Variants in ZFYVE9 observed in about 807,000 individuals in gnomAD.
The protein encoded by ZFYVE9 is zinc finger FYVE domain-containing protein 9.
A neutral mutation model predicts 126.7 loss-of-function variants in ZFYVE9; 43 were observed. The ratio of observed to expected loss-of-function variants is 0.34; its 90% confidence interval spans 0.27 to 0.44. The LOEUF is 0.44. Ranked by LOEUF, ZFYVE9 falls within the 20% of genes least tolerant of loss-of-function variation. The probability of loss-of-function intolerance (pLI) is 1.00; values close to 1 mark genes in which losing one functional copy is unlikely to be tolerated. For synonymous variants in ZFYVE9, 521 were observed against 597.4 expected (o/e 0.87, Z 1.87); for missense variants, 1,476 against 1,697.0 (o/e 0.87, Z 2.29).
At chr1:52,165,234 G>A (rs971521032) in intron 1 of ZFYVE9, among the ~76,000 whole-genome samples, 1 of 151,982 alleles carries the variant, frequency 6.6e-6, no homozygotes, top group Admixed American at 6.6e-5. Flanking sequence ...AGACTTAGTG[G>A]TGAAATACTG....
At chr1:52,160,475 CG>C (rs1326397552) in intron 1 of ZFYVE9, 2 of 813,138 alleles carry the variant, frequency 2.5e-6, no homozygotes, top group African/African-American at 1.7e-5. Context: ...CTGGAATGGA[CG>C]AGTGGCAGTT....
chr1:52,342,996 T>C (rs1646452452), intron 17 of ZFYVE9, among the ~76,000 whole-genome samples: 1 of 151,598 alleles, frequency 6.6e-6, no homozygotes, highest in Non-Finnish European at 1.5e-5. Context: ...AAGCTCCACC[T>C]CCCAGGTCCA....
intron 13 of ZFYVE9, 101 bp from the exon 14 acceptor site, chr1:52,332,667 G>T: frequency 7.2e-7 from 1 of 1,388,058 alleles, no homozygotes. Flanking sequence ...ACTTTAATAC[G>T]TAATATTCTG....
chr1:52,198,576 A>G (rs1644892537), intron 1 of ZFYVE9, among the ~76,000 whole-genome samples: 1 of 152,172 alleles, frequency 6.6e-6, no homozygotes, highest in African/African-American at 2.4e-5. Flanking sequence ...ATAGGATCTA[A>G]TTTTACTGCA....
At position 52,238,718 on chromosome 1, in the gene ZFYVE9, A is replaced by G. The variant is rs1259037849; in HGVS notation, c.1301A>G (p.Asp434Gly). Residue 434 changes from aspartate (D) to glycine (G), a missense_variant, in exon 4 of 19, where the codon GAT becomes GGT. Asp to Gly is a moderately conservative substitution (Grantham distance 94). Coordinates refer to ENST00000287727, the MANE Select transcript of ZFYVE9 (RefSeq NM_004799.4). ...QISQPEDTNG[D>G]SGGQCVGLAD... ...AGTCAGCCTGAGGACACTAATGGTG[A>G]TAGTGGAGGACAGTGTGTTGGATTG... 6.2e-7 allele frequency: 1 copy of G among 1,614,156 alleles called. No homozygotes were observed. The highest frequency in any genetic ancestry group is 2.2e-5 in the East Asian group (1 of 44,876).
intron 8 of ZFYVE9, among the ~76,000 whole-genome samples, chr1:52,277,670 A>G (rs746724986): frequency 6.6e-6 from 1 of 152,192 alleles, no homozygotes; most frequent in Non-Finnish European, 1.5e-5. Flanking sequence ...TGCATTTTAT[A>G]TAAGACCAAC....
chr1:52,268,599 C>G lies in ZFYVE9; in HGVS notation c.2592C>G (p.Val864=), dbSNP rs199792561. 6.2e-7 allele frequency: 1 copy of G among 1,606,720 alleles called. No homozygotes were observed. The highest frequency in any genetic ancestry group is 1.3e-5 in the African/African-American group (1 of 74,514). ...CCCTGGCTGTGTCACACGACCCAGT[C>G]AAGCCAGTAACTACCAGTCCTCTAC... The part of the protein sequence containing the change: ...AGTLAVSHDP[V]KPVTTSPLPA... The change falls in exon 7 of 19, where the codon GTC becomes GTG. Residue 864 remains valine, a synonymous_variant. Coordinates refer to ENST00000287727, the MANE Select transcript of ZFYVE9 (RefSeq NM_004799.4).
At position 52,237,991 on chromosome 1, in the gene ZFYVE9, A is replaced by G; in HGVS notation, c.574A>G (p.Thr192Ala). 1 of 1,614,050 alleles carries G rather than the reference A, an allele frequency of 6.2e-7. No homozygotes were observed. Among genetic ancestry groups the G allele is most frequent in the Non-Finnish European group, 8.5e-7 (1 of 1,179,966 alleles). Residue 192 changes from threonine to alanine, a missense_variant, in exon 4 of 19, where the codon ACT (threonine) becomes GCT (alanine). Transcript: ENST00000287727. ...TTCACTGGATAATGAAAACAGACAAACTGATCAATTTAGTTTTAGTATAAA... is the reference window on the plus strand; with the variant it reads ...TTCACTGGATAATGAAAACAGACAAGCTGATCAATTTAGTTTTAGTATAAA... The part of the protein sequence containing the change: ...SCSLDNENRQ[T>A]DQFSFSINES...
At chr1:52,245,733 G>A (rs1645378480) in intron 4 of ZFYVE9, among the ~76,000 whole-genome samples, 1 of 152,166 alleles carries the variant, frequency 6.6e-6, no homozygotes, top group African/African-American at 2.4e-5. Flanking sequence ...AAACCTGTGT[G>A]ATAGTTGATG....
chr1:52,171,875 T>A (rs1254416857), intron 1 of ZFYVE9, among the ~76,000 whole-genome samples: 2 of 152,258 alleles, frequency 1.3e-5, no homozygotes, highest in South Asian at 2.1e-4. Context: ...AATTTGTTTG[T>A]GTTCATTGTA....
At chr1:52,158,519 C>T (rs1210953280) in intron 1 of ZFYVE9, among the ~76,000 whole-genome samples, 1 of 152,192 alleles carries the variant, frequency 6.6e-6, no homozygotes, top group African/African-American at 2.4e-5. Context: ...GGGCAGCCAT[C>T]TATCCGTAAC....
chr1:52,334,599 G>T, intron 14 of ZFYVE9, 89 bp from the exon 15 acceptor site: 6 of 1,376,752 alleles, frequency 4.4e-6, no homozygotes, highest in Non-Finnish European at 6.1e-6. Context: ...ATGATGGTCG[G>T]AATTCTCAAC....
chr1:52,184,211 T>A (rs988048091), intron 1 of ZFYVE9, among the ~76,000 whole-genome samples: 2 of 143,350 alleles, frequency 1.4e-5, no homozygotes, highest in African/African-American at 5.3e-5. Flanking sequence ...ATATATATAT[T>A]TATATATATA....
At chr1:52,220,554 C>A (rs763230000) in intron 2 of ZFYVE9, among the ~76,000 whole-genome samples, 11 of 152,158 alleles carry the variant, frequency 7.2e-5, no homozygotes, top group Non-Finnish European at 1.5e-5. Flanking sequence ...TTTAGGGTTT[C>A]CTTACTAGTT....
At chr1:52,172,228 G>A (rs1315723355) in intron 1 of ZFYVE9, among the ~76,000 whole-genome samples, 2 of 152,156 alleles carry the variant, frequency 1.3e-5, no homozygotes, top group Non-Finnish European at 2.9e-5. Flanking sequence ...TGGCTAGCCA[G>A]TTTTCCCAGC....
chr1:52,194,506 T>G (rs867076064), intron 1 of ZFYVE9, among the ~76,000 whole-genome samples: 1 of 152,336 alleles, frequency 6.6e-6, no homozygotes, highest in South Asian at 2.1e-4. Context: ...TGTTTAGCTT[T>G]TATTCATAAT....
intron 1 of ZFYVE9, chr1:52,179,860 C>T (rs559061843): frequency 4.1e-5 from 29 of 711,004 alleles, no homozygotes; most frequent in East Asian, 2.3e-4. Context: ...AGGACCCCAA[C>T]GCAGACACTG....
chr1:52,186,973 A>G (rs993579174), intron 1 of ZFYVE9, among the ~76,000 whole-genome samples: 3 of 152,232 alleles, frequency 2.0e-5, no homozygotes, highest in African/African-American at 7.2e-5. Context: ...AAAATATTTT[A>G]AAATTCATAT....
At chr1:52,321,921 AT>A (rs2147859717) in intron 13 of ZFYVE9, among the ~76,000 whole-genome samples, 1 of 152,300 alleles carries the variant, frequency 6.6e-6, no homozygotes, top group African/African-American at 2.4e-5. Flanking sequence ...TGGTAATCTT[AT>A]CCAGTTCTAT....
Sources: allele counts gnomAD v4.1 joint callset (sites outside exome capture counted in the v4.1 genomes callset), GRCh38; gene constraint gnomAD v4.1.1; transcripts MANE v1.5; gene names NCBI Gene and HGNC (gene_info 2026-07-23, HGNC 2026-07-21).